The following OR5D18 variants were observed in gnomAD, a reference collection of about 807,000 sequenced individuals.
OR5D18 encodes the protein olfactory receptor family 5 subfamily D member 18.
For missense variants in OR5D18, 394 were observed against 367.3 expected (o/e 1.07, Z -0.59); for synonymous variants, 158 against 152.5 (o/e 1.04, Z -0.27).
chr11:55,819,924 G>A lies in OR5D18; in HGVS notation c.295G>A (p.Val99Ile), dbSNP rs566365669. The change falls in exon 1 of 1, where the codon GTA (valine) becomes ATA (isoleucine). Residue 99 changes from valine to isoleucine, a missense_variant. By Grantham distance (29) the Val-to-Ile change is conservative (BLOSUM62 3). Transcript: ENST00000333976. ...CAGAACCATTTCATTTTTAGGATGCGTAGTACAATTCTTTTTCTTCTGTAC... is the reference window on the plus strand; with the variant it reads ...CAGAACCATTTCATTTTTAGGATGCATAGTACAATTCTTTTTCTTCTGTAC... Reference protein sequence around the residue: ...KDRTISFLGCVVQFFFFCTFV... With the variant: ...KDRTISFLGCIVQFFFFCTFV... The A allele has an allele frequency of 7.7e-5, 124 of 1,613,964 alleles. No homozygotes were observed. The highest frequency in any genetic ancestry group is 4.5e-4 in the South Asian group (41 of 91,072).
Position 55,819,920 on chromosome 11 carries a change from A to C in OR5D18, c.291A>C (p.Gly97=). ...AAGACAGAACCATTTCATTTTTAGG[A>C]TGCGTAGTACAATTCTTTTTCTTCT... ...VVKDRTISFL[G]CVVQFFFFCT... Residue 97 remains glycine (G), a synonymous_variant, in exon 1 of 1, where the codon GGA becomes GGC. Coordinates refer to ENST00000333976, the MANE Select transcript of OR5D18 (RefSeq NM_001001952.1). 6.2e-7 allele frequency: 1 copy of C among 1,613,954 alleles called. No homozygotes were observed. The highest frequency in any genetic ancestry group is 8.5e-7 in the Non-Finnish European group (1 of 1,180,014).
In OR5D18 at chr11:55,819,752, A is replaced by G. The variant is rs915498011; in HGVS notation, c.123A>G (p.Leu41=). Residue 41 remains leucine, a synonymous_variant, in exon 1 of 1, where the codon CTA becomes CTG. Transcript: ENST00000333976. ...VFLAIYNVTV[L]GNIGLIVIIK... is the part of the protein sequence containing the mutation. Reference sequence around the variant, plus strand: ...TGGCCATCTACAATGTCACTGTGCTAGGGAATATTGGGTTGATTGTGATCA... The same window carrying G: ...TGGCCATCTACAATGTCACTGTGCTGGGGAATATTGGGTTGATTGTGATCA... The G allele has an allele frequency of 1.9e-6, 3 of 1,613,362 alleles. No individual in the cohort carries two copies. The highest frequency in any genetic ancestry group is 8.5e-7 in the Non-Finnish European group (1 of 1,179,464).
In OR5D18 at chr11:55,820,243, C is replaced by T. The variant is rs1332861290; in HGVS notation, c.614C>T (p.Thr205Ile). ...CAGTGGCTGCTATTCTTTCTTGCCA[C>T]CTTTAATGAAATCAGCACACTACTC... Reference protein sequence around the residue: ...INQWLLFFLATFNEISTLLIV... With the variant: ...INQWLLFFLAIFNEISTLLIV... Residue 205 changes from threonine (T) to isoleucine (I), a missense_variant, in exon 1 of 1, where the codon ACC (threonine) becomes ATC (isoleucine). Coordinates refer to ENST00000333976, the MANE Select transcript of OR5D18 (RefSeq NM_001001952.1). 3 of 1,614,032 alleles carry T rather than the reference C, an allele frequency of 1.9e-6. No individual in the cohort carries two copies. In the South Asian group the frequency reaches 3.3e-5, roughly 18 times the overall value.
chr11:55,820,224 C>A lies in OR5D18; in HGVS notation c.595C>A (p.Leu199Met). Reference sequence around the variant, plus strand: ...CTCTGATACTTACATCAACCAGTGGCTGCTATTCTTTCTTGCCACCTTTAA... The same window carrying A: ...CTCTGATACTTACATCAACCAGTGGATGCTATTCTTTCTTGCCACCTTTAA... Reference protein sequence around the residue: ...SCSDTYINQWLLFFLATFNEI... With the variant: ...SCSDTYINQWMLFFLATFNEI... The change falls in exon 1 of 1, where the codon CTG becomes ATG. Residue 199 changes from leucine to methionine, a missense_variant. Physicochemically the swap from Leu to Met is conservative, Grantham distance 15. Transcript: ENST00000333976. 1 of 1,613,920 alleles carries A rather than the reference C, an allele frequency of 6.2e-7. No homozygotes were observed. Among genetic ancestry groups the A allele is most frequent in the South Asian group, 1.1e-5 (1 of 91,086 alleles).
At position 55,820,183 on chromosome 11, in the gene OR5D18, T is replaced by C; in HGVS notation, c.554T>C (p.Leu185Pro). The C allele has an allele frequency of 6.2e-7, 1 of 1,614,012 alleles. No homozygotes were observed. Reference sequence around the variant, plus strand: ...CACTTCTTCTGTGAGTTCTCCTCACTACTCTCCCTTTCTTGCTCTGATACT... The same window carrying C: ...CACTTCTTCTGTGAGTTCTCCTCACCACTCTCCCTTTCTTGCTCTGATACT... ...INHFFCEFSS[L>P]LSLSCSDTYI... Residue 185 changes from leucine to proline, a missense_variant, in exon 1 of 1, where the codon CTA becomes CCA. Coordinates refer to ENST00000333976, the MANE Select transcript of OR5D18 (RefSeq NM_001001952.1).
In OR5D18 at chr11:55,820,553, C is replaced by G. The variant is rs538736085; in HGVS notation, c.924C>G (p.Thr308=). Reference sequence around the variant, plus strand: ...ATACAGTCACCGAGATACTGGACACCAAAGTCTTCTCTTACTGAGCCTGTT... The same window carrying G: ...ATACAGTCACCGAGATACTGGACACGAAAGTCTTCTCTTACTGAGCCTGTT... ...VKDTVTEILD[T]KVFSY Residue 308 remains threonine (T), a synonymous_variant, in exon 1 of 1, where the codon ACC becomes ACG. Coordinates refer to ENST00000333976, the MANE Select transcript of OR5D18 (RefSeq NM_001001952.1). The G allele has an allele frequency of 6.2e-7, 1 of 1,606,616 alleles. No homozygotes were observed. The highest frequency in any genetic ancestry group is 1.3e-5 in the African/African-American group (1 of 74,552).
chr11:55,820,256 C>T lies in OR5D18; in HGVS notation c.627C>T (p.Ile209=), dbSNP rs768123152. Residue 209 remains isoleucine, a synonymous_variant, in exon 1 of 1, where the codon ATC becomes ATT. Transcript: ENST00000333976. ...LLFFLATFNE[I]STLLIVLTSY... ...TCTTTCTTGCCACCTTTAATGAAATCAGCACACTACTCATCGTTCTCACAT... is the reference window on the plus strand; with the variant it reads ...TCTTTCTTGCCACCTTTAATGAAATTAGCACACTACTCATCGTTCTCACAT... 2.2e-5 allele frequency: 36 copies of T among 1,613,876 alleles called. No individual in the cohort carries two copies. The South Asian group carries it at 3.7e-4, about 17-fold the overall frequency.
At position 55,820,202 on chromosome 11, in the gene OR5D18, T is replaced by G. The variant is rs757493772; in HGVS notation, c.573T>G (p.Ser191=). ...CCTCACTACTCTCCCTTTCTTGCTC[T>G]GATACTTACATCAACCAGTGGCTGC... ...EFSSLLSLSC[S]DTYINQWLLF... is the part of the protein sequence containing the mutation. The change falls in exon 1 of 1, where the codon TCT becomes TCG. Residue 191 remains serine, a synonymous_variant. Coordinates refer to ENST00000333976, the MANE Select transcript of OR5D18 (RefSeq NM_001001952.1). The G allele has an allele frequency of 1.2e-6, 2 of 1,614,036 alleles. No homozygotes were observed. The highest frequency in any genetic ancestry group is 1.7e-6 in the Non-Finnish European group (2 of 1,179,984).
chr11:55,820,549 A>G lies in OR5D18; in HGVS notation c.920A>G (p.Asp307Gly). 6.2e-7 allele frequency: 1 copy of G among 1,608,400 alleles called. No homozygotes were observed. The highest frequency in any genetic ancestry group is 8.5e-7 in the Non-Finnish European group (1 of 1,179,022). The stretch of plus-strand genomic sequence containing the variant: ...AAGGATACAGTCACCGAGATACTGG[A>G]CACCAAAGTCTTCTCTTACTGAGCC... Reference protein sequence around the residue: ...DVKDTVTEILDTKVFSY With the variant: ...DVKDTVTEILGTKVFSY Residue 307 changes from aspartate to glycine, a missense_variant, in exon 1 of 1, where the codon GAC becomes GGC. Physicochemically the swap from Asp to Gly is moderately conservative, Grantham distance 94. Transcript: ENST00000333976.
chr11:55,820,161 T>C lies in OR5D18; in HGVS notation c.532T>C (p.Phe178Leu). 1.9e-6 allele frequency: 3 copies of C among 1,613,974 alleles called. No individual in the cohort carries two copies. The highest frequency in any genetic ancestry group is 2.5e-6 in the Non-Finnish European group (3 of 1,180,010). Residue 178 changes from phenylalanine to leucine, a missense_variant, in exon 1 of 1, where the codon TTC (phenylalanine) becomes CTC (leucine). Coordinates refer to ENST00000333976, the MANE Select transcript of OR5D18 (RefSeq NM_001001952.1). ...CFHGFNTINHFFCEFSSLLSL... is the reference protein window; with the variant it reads ...CFHGFNTINHLFCEFSSLLSL... ...TCATGGTTTCAACACAATCAATCACTTCTTCTGTGAGTTCTCCTCACTACT... is the reference window on the plus strand; with the variant it reads ...TCATGGTTTCAACACAATCAATCACCTCTTCTGTGAGTTCTCCTCACTACT...
In OR5D18 at chr11:55,820,016, C is replaced by A. The variant is rs759018547; in HGVS notation, c.387C>A (p.Asn129Lys). The change falls in exon 1 of 1, where the codon AAC becomes AAA. Residue 129 changes from asparagine (N) to lysine (K), a missense_variant. Asn to Lys is a moderately conservative substitution (Grantham distance 94). Coordinates refer to ENST00000333976, the MANE Select transcript of OR5D18 (RefSeq NM_001001952.1). The stretch of plus-strand genomic sequence containing the variant: ...ATGACCGCTTCGTGGCCATTTGCAA[C>A]CCTCTGCTCTACACAGTTAACATGT... ...MAYDRFVAIC[N>K]PLLYTVNMSQ... 2.5e-5 allele frequency: 41 copies of A among 1,613,786 alleles called. 1 individual carries two copies. The African/African-American group carries it at 5.2e-4, about 21-fold the overall frequency.
rs140689123 is a variant in OR5D18 at position 55,820,497 on chromosome 11, A to G, written c.868A>G (p.Ile290Val). 5 of 1,613,682 alleles carry G rather than the reference A, an allele frequency of 3.1e-6. No homozygotes were observed. The African/African-American group carries it at 5.4e-5, about 17-fold the overall frequency. ...GGTGATCCCCATGTTGAATCCCCTGATCTACAGTCTGAGAAATAAAGATGT... is the reference window on the plus strand; with the variant it reads ...GGTGATCCCCATGTTGAATCCCCTGGTCTACAGTCTGAGAAATAAAGATGT... Reference protein sequence around the residue: ...TVVIPMLNPLIYSLRNKDVKD... With the variant: ...TVVIPMLNPLVYSLRNKDVKD... Residue 290 changes from isoleucine (I) to valine (V), a missense_variant, in exon 1 of 1, where the codon ATC (isoleucine) becomes GTC (valine). Transcript: ENST00000333976.
Position 55,819,640 on chromosome 11 carries a change from CTGAT to C in OR5D18, c.12_15del (p.Asp5GlufsTer36). The C allele has an allele frequency of 1.9e-6, 3 of 1,578,872 alleles. No homozygotes were observed. The highest frequency in any genetic ancestry group is 2.6e-6 in the Non-Finnish European group (3 of 1,160,116). On this transcript the variant is annotated frameshift_variant, in exon 1 of 1. Transcript: ENST00000333976. LOFTEE classifies it low-confidence loss of function (END_TRUNC). ...GAAGAAACAGAAGCGATGCTGCTGA[CTGAT>C]AGAAATACAAGTGGGACCACGTTCA... is the stretch of plus-strand genomic sequence containing the variant.
At position 55,820,043 on chromosome 11, in the gene OR5D18, C is replaced by G; in HGVS notation, c.414C>G (p.Ser138=). The G allele has an allele frequency of 6.2e-7, 1 of 1,613,928 alleles. No individual in the cohort carries two copies. Among genetic ancestry groups the G allele is most frequent in the African/African-American group, 1.3e-5 (1 of 74,894 alleles). Residue 138 remains serine (S), a synonymous_variant, in exon 1 of 1, where the codon TCC becomes TCG. Coordinates refer to ENST00000333976, the MANE Select transcript of OR5D18 (RefSeq NM_001001952.1). The part of the protein sequence containing the change: ...CNPLLYTVNM[S]QKLCVLLVVG... ...CTCTGCTCTACACAGTTAACATGTC[C>G]CAGAAACTCTGCGTGCTGCTGGTTG... is the stretch of plus-strand genomic sequence containing the variant.
At position 55,819,879 on chromosome 11, in the gene OR5D18, G is replaced by A. The variant is rs778789562; in HGVS notation, c.250G>A (p.Val84Met). The A allele has an allele frequency of 1.2e-6, 2 of 1,614,018 alleles. No homozygotes were observed. Among genetic ancestry groups the A allele is most frequent in the Non-Finnish European group, 1.7e-6 (2 of 1,179,990 alleles). The change falls in exon 1 of 1, where the codon GTG becomes ATG. Residue 84 changes from valine (V) to methionine (M), a missense_variant. By Grantham distance (21) the Val-to-Met change is conservative. Coordinates refer to ENST00000333976, the MANE Select transcript of OR5D18 (RefSeq NM_001001952.1). ...CTCCATCATTGCTCCCAAGATGTTGGTGAACCTTGTTGTCAAAGACAGAAC... is the reference window on the plus strand; with the variant it reads ...CTCCATCATTGCTCCCAAGATGTTGATGAACCTTGTTGTCAAAGACAGAAC... ...YSSIIAPKML[V>M]NLVVKDRTIS...
chr11:55,820,123 T>C lies in OR5D18; in HGVS notation c.494T>C (p.Leu165Ser). The C allele has an allele frequency of 6.2e-7, 1 of 1,613,950 alleles. No individual in the cohort carries two copies. Among genetic ancestry groups the C allele is most frequent in the Non-Finnish European group, 8.5e-7 (1 of 1,180,004 alleles). ...SCSLELTCSA[L>S]KLCFHGFNTI... is the part of the protein sequence containing the mutation. ...TCCTTGGAACTGACGTGCTCTGCTT[T>C]AAAGTTATGTTTTCATGGTTTCAAC... Residue 165 changes from leucine to serine, a missense_variant, in exon 1 of 1, where the codon TTA becomes TCA. Coordinates refer to ENST00000333976, the MANE Select transcript of OR5D18 (RefSeq NM_001001952.1).
At position 55,820,211 on chromosome 11, in the gene OR5D18, C is replaced by T; in HGVS notation, c.582C>T (p.Tyr194=). The part of the protein sequence containing the change: ...SLLSLSCSDT[Y]INQWLLFFLA... ...TCTCCCTTTCTTGCTCTGATACTTACATCAACCAGTGGCTGCTATTCTTTC... is the reference window on the plus strand; with the variant it reads ...TCTCCCTTTCTTGCTCTGATACTTATATCAACCAGTGGCTGCTATTCTTTC... Residue 194 remains tyrosine, a synonymous_variant, in exon 1 of 1, where the codon TAC becomes TAT. Transcript: ENST00000333976. 1 of 1,613,930 alleles carries T rather than the reference C, an allele frequency of 6.2e-7. No individual in the cohort carries two copies. The highest frequency in any genetic ancestry group is 1.1e-5 in the South Asian group (1 of 91,080).
At position 55,819,940 on chromosome 11, in the gene OR5D18, T is replaced by C. The variant is rs751002226; in HGVS notation, c.311T>C (p.Phe104Ser). Residue 104 changes from phenylalanine to serine, a missense_variant, in exon 1 of 1, where the codon TTC (phenylalanine) becomes TCC (serine). Phe to Ser is a radical substitution (Grantham distance 155). Transcript: ENST00000333976. ...TTAGGATGCGTAGTACAATTCTTTT[T>C]CTTCTGTACCTTTGTGGTCACTGAA... ...SFLGCVVQFFFFCTFVVTESF... is the reference protein window; with the variant it reads ...SFLGCVVQFFSFCTFVVTESF... 2 of 1,613,968 alleles carry C rather than the reference T, an allele frequency of 1.2e-6. No homozygotes were observed. Among genetic ancestry groups the C allele is most frequent in the East Asian group, 2.2e-5 (1 of 44,892 alleles).
rs1378344115 is a variant in OR5D18 at position 55,819,853 on chromosome 11, C to T, written c.224C>T (p.Ser75Phe). The part of the protein sequence containing the change: ...SQLSFVDFCY[S>F]SIIAPKMLVN... Reference sequence around the variant, plus strand: ...CTCTCCTTTGTGGATTTCTGCTATTCCTCCATCATTGCTCCCAAGATGTTG... The same window carrying T: ...CTCTCCTTTGTGGATTTCTGCTATTTCTCCATCATTGCTCCCAAGATGTTG... The change falls in exon 1 of 1, where the codon TCC (serine) becomes TTC (phenylalanine). Residue 75 changes from serine to phenylalanine, a missense_variant. Ser to Phe is a radical substitution (Grantham distance 155). Transcript: ENST00000333976. 1 of 1,613,860 alleles carries T rather than the reference C, an allele frequency of 6.2e-7. No individual in the cohort carries two copies.
Sources: allele counts gnomAD v4.1 joint callset, GRCh38; gene constraint gnomAD v4.1.1; transcripts MANE v1.5; gene names NCBI Gene and HGNC (gene_info 2026-07-23, HGNC 2026-07-21).